The following IQSEC1 variants were observed in gnomAD, a reference collection of about 807,000 sequenced individuals.
IQSEC1 encodes IQ motif and Sec7 domain ArfGEF 1.
In IQSEC1, 31 loss-of-function variants were observed where a neutral mutation model predicts 91.0. The observed-to-expected ratio is 0.34, with a 90% CI of 0.26 to 0.46. The LOEUF is 0.46. IQSEC1 is among the 20% of genes least tolerant of loss of function. The probability of loss-of-function intolerance (pLI) is 1.00; values close to 1 mark genes in which losing one functional copy is unlikely to be tolerated. For missense variants in IQSEC1, 1,388 were observed against 1,575.6 expected (o/e 0.88, Z 2.02); for synonymous variants, 699 against 662.6 (o/e 1.05, Z -0.84).
At chr3:13,177,321 A>G (rs1559270758) in intron 1 of IQSEC1, among the ~76,000 whole-genome samples, 1 of 152,252 alleles carries the variant, frequency 6.6e-6, no homozygotes, top group Non-Finnish European at 1.5e-5. Context: ...GCCTACAGCA[A>G]GAATTCCTGC....
At chr3:13,104,948 C>T (rs550104881) in intron 2 of IQSEC1, among the ~76,000 whole-genome samples, 2 of 152,224 alleles carry the variant, frequency 1.3e-5, no homozygotes, top group Non-Finnish European at 2.9e-5. Flanking sequence ...GGAGAGAAGA[C>T]GAAGCCCAGT....
At chr3:13,138,872 A>C (rs358380) in intron 2 of IQSEC1, among the ~76,000 whole-genome samples, 131,181 of 151,788 alleles carry the variant, frequency 0.86, 57,065 homozygotes, top group African/African-American at 0.96. Context: ...CCTGCCCCAG[A>C]TACCTTCCTT....
At chr3:13,118,178 A>T (rs1441849979) in intron 2 of IQSEC1, among the ~76,000 whole-genome samples, 1 of 152,244 alleles carries the variant, frequency 6.6e-6, no homozygotes, top group Non-Finnish European at 1.5e-5. Context: ...GATCACCAGG[A>T]ATTATATATA....
chr3:12,930,806 A>T (rs1697603179), intron 3 of IQSEC1, among the ~76,000 whole-genome samples: 1 of 152,192 alleles, frequency 6.6e-6, no homozygotes, highest in South Asian at 2.1e-4. Context: ...GGAGTGCCCG[A>T]GGATCTCCGT....
chr3:13,142,123 G>A (rs906957457), intron 2 of IQSEC1, among the ~76,000 whole-genome samples: 1 of 152,238 alleles, frequency 6.6e-6, no homozygotes, highest in African/African-American at 2.4e-5. Context: ...CCCTCCATGG[G>A]TGCCTTGTGG....
intron 1 of IQSEC1, among the ~76,000 whole-genome samples, chr3:13,005,397 G>A (rs1193988860): frequency 6.6e-6 from 1 of 152,190 alleles, no homozygotes; most frequent in Non-Finnish European, 1.5e-5. Context: ...AGGCACCCCA[G>A]TGTTACTGGC....
At chr3:12,951,813 A>G (rs953928194) in intron 1 of IQSEC1, among the ~76,000 whole-genome samples, 3 of 152,140 alleles carry the variant, frequency 2.0e-5, no homozygotes, top group African/African-American at 7.2e-5. Flanking sequence ...CAGCACCCCC[A>G]GTGGAAACCT....
At chr3:13,208,737 G>C (rs552803710) in intron 1 of IQSEC1, among the ~76,000 whole-genome samples, 2 of 152,308 alleles carry the variant, frequency 1.3e-5, no homozygotes, top group South Asian at 2.1e-4. Flanking sequence ...TGATTCGAGA[G>C]GAGCCCCCAA....
chr3:13,279,819 GTGGCCTTGCATGGCCC>G (rs1408144963), intron 1 of IQSEC1, among the ~76,000 whole-genome samples: 1 of 152,176 alleles, frequency 6.6e-6, no homozygotes, highest in Admixed American at 6.5e-5. Context: ...TCCTGATGCT[GTGGCCTTGCATGGCCC>G]TGTCACCTTG....
chr3:13,131,672 A>C (rs915311529), intron 2 of IQSEC1, among the ~76,000 whole-genome samples: 4 of 151,940 alleles, frequency 2.6e-5, no homozygotes, highest in African/African-American at 9.7e-5. Flanking sequence ...TTTTTAGTAG[A>C]GACATGGTTT....
At chr3:13,268,268 T>C (rs551076945) in intron 1 of IQSEC1, among the ~76,000 whole-genome samples, 1 of 152,340 alleles carries the variant, frequency 6.6e-6, no homozygotes, top group African/African-American at 2.4e-5. Flanking sequence ...CCTTGCCATT[T>C]ACTAGCTGTA....
chr3:13,155,401 C>T (rs759446409), intron 2 of IQSEC1, among the ~76,000 whole-genome samples: 3 of 152,146 alleles, frequency 2.0e-5, no homozygotes, highest in Non-Finnish European at 2.9e-5. Flanking sequence ...CCTAGAAACA[C>T]CAAACCTACT....
chr3:12,992,148 TG>T lies in IQSEC1; in HGVS notation c.24-50284del, dbSNP rs1308070978. On this transcript the variant is annotated intron_variant, in intron 1 of 13. Coordinates refer to ENST00000613206, the MANE Select transcript of IQSEC1 (RefSeq NM_001134382.3). The surrounding 1 kb of genome is among the most constrained non-coding windows in gnomAD (Gnocchi z 4.1). ...CAGGATGACTGGGTTGCTGGAGAGC[TG>T]GGGACAGGGCCCCTCGGCTCTGAAT... 6.6e-6 allele frequency among the ~76,000 whole-genome samples: 1 copy of T among 152,136 alleles called. No homozygotes were observed. The highest frequency in any genetic ancestry group is 2.4e-5 in the African/African-American group (1 of 41,432).
At chr3:13,097,716 A>G (rs1705988912) in intron 2 of IQSEC1, among the ~76,000 whole-genome samples, 1 of 152,254 alleles carries the variant, frequency 6.6e-6, no homozygotes, top group Non-Finnish European at 1.5e-5. Context: ...ATTGATGAGT[A>G]AGAATGAGGA....
At chr3:13,028,747 A>G (rs879728518) in intron 1 of IQSEC1, among the ~76,000 whole-genome samples, 1 of 152,228 alleles carries the variant, frequency 6.6e-6, no homozygotes, top group Non-Finnish European at 1.5e-5. Flanking sequence ...GTTTGTGCTC[A>G]GATCTTCTAT....
rs1489703814 is a variant in IQSEC1, at chr3:12,936,434, G to A, written c.582C>T (p.Ala194=). 6.2e-7 allele frequency: 1 copy of A among 1,602,764 alleles called. No individual in the cohort carries two copies. Among genetic ancestry groups the A allele is most frequent in the Admixed American group, 1.7e-5 (1 of 59,276 alleles). Residue 194 remains alanine (A), a synonymous_variant, in exon 3 of 14, where the codon GCC becomes GCT. Transcript: ENST00000613206. ...GGTCACCACACTCAGGGGACACCAG[G>A]GCTCCCAGCTGGGAGCCGTCGTTAG... ...SVTNDGSQLG[A]LVSPECGDLS...
At position 12,969,661 on chromosome 3, in the gene IQSEC1, T is replaced by C. The variant is rs531286990; in HGVS notation, c.24-27796A>G. On this transcript the variant is annotated intron_variant, in intron 1 of 13. Transcript: ENST00000613206. ...AAAATAATTCCCCCAGCCCAGCTGC[T>C]GGAGCACTCTGGGCACGGTCTTTGA... is the stretch of plus-strand genomic sequence containing the variant. Among the ~76,000 whole-genome samples, 62 of 152,352 alleles carry C rather than the reference T, an allele frequency of 4.1e-4. 1 individual carries two copies. Among genetic ancestry groups the C allele is most frequent in the Admixed American group, 1.4e-3 (22 of 15,306 alleles).
chr3:13,068,467 G>C (rs1175649811), intron 1 of IQSEC1, among the ~76,000 whole-genome samples: 1 of 152,224 alleles, frequency 6.6e-6, no homozygotes, highest in Non-Finnish European at 1.5e-5. Flanking sequence ...CCAGGCCTCT[G>C]AATTTTCAGG....
rs538508261 is a variant in IQSEC1 at position 13,099,554 on chromosome 3, G to A, written c.303-52032C>T. ...CGCCCACCTCACTCAGGCTGGCAGA[G>A]CGCGGTGGCCATGGAAACGCAAGCC... On this transcript the variant is annotated intron_variant, in intron 2 of 15. Transcript: ENST00000648114. 3.3e-5 allele frequency among the ~76,000 whole-genome samples: 5 copies of A among 152,294 alleles called. No homozygotes were observed. The East Asian group carries it at 9.6e-4, about 29-fold the overall frequency.
Sources: gnomAD v4.1 joint callset for allele counts (sites outside exome capture counted in the v4.1 genomes callset) on GRCh38, gnomAD v4.1.1 for gene constraint, Gnocchi (gnomAD v3.1) non-coding constraint, MANE v1.5 for transcripts, NCBI Gene and HGNC (gene_info 2026-07-23, HGNC 2026-07-21) for gene names.